Variants in NKX2-6 observed in about 807,000 individuals in gnomAD.
NKX2-6 encodes the protein NK2 homeobox 6.
A neutral mutation model predicts 8.6 loss-of-function variants in NKX2-6; 8 were observed. The ratio of observed to expected loss-of-function variants is 0.93; its 90% CI spans 0.54 to 1.67. The LOEUF is 1.67. Ranked by LOEUF, NKX2-6 falls within the 40% of genes most tolerant of loss-of-function variation. The pLI is 0.00. For missense variants in NKX2-6, 475 were observed against 423.1 expected (o/e 1.12, Z -1.08); for synonymous variants, 210 against 199.3 (o/e 1.05, Z -0.45).
rs1417812947 is a variant in NKX2-6 at position 23,706,661 on chromosome 8, G to A, written c.-63C>T. 1 of 1,459,602 alleles carries A rather than the reference G, an allele frequency of 6.9e-7. No individual in the cohort carries two copies. Among genetic ancestry groups the A allele is most frequent in the Non-Finnish European group, 9.1e-7 (1 of 1,097,192 alleles). The allele number at this position is 1,459,602 out of a possible 1,614,324, so 90.4% of individuals were successfully genotyped here. On this transcript the variant is annotated 5_prime_UTR_variant, in exon 1 of 2. The change creates a new upstream start codon in the 5' untranslated region. Coordinates refer to ENST00000325017, the MANE Select transcript of NKX2-6 (RefSeq NM_001136271.3). ...TGAGGAGCGGCACCCTGAACTTCCC[G>A]TCTTGTCGCTGCAGGCCCCGCAGAC...
At chr8:23,703,259 G>GT (rs1402000266) in intron 1 of NKX2-6, among the ~76,000 whole-genome samples, 177 bp from the exon 2 acceptor site, 1 of 152,180 alleles carries the variant, frequency 6.6e-6, no homozygotes, top group Non-Finnish European at 1.5e-5. Context: ...CTGTCTCCAT[G>GT]TTTTTTCCCT....
At position 23,702,592 on chromosome 8, in the gene NKX2-6, G is replaced by T. The variant is rs1340793904; in HGVS notation, c.765C>A (p.Gly255=). 6.5e-7 allele frequency: 1 copy of T among 1,546,226 alleles called. No individual in the cohort carries two copies. The highest frequency in any genetic ancestry group is 8.7e-7 in the Non-Finnish European group (1 of 1,146,290). The change falls in exon 2 of 2, where the codon GGC becomes GGA. Residue 255 remains glycine (G), a synonymous_variant. Coordinates refer to ENST00000325017, the MANE Select transcript of NKX2-6 (RefSeq NM_001136271.3). ...GCGCGCCCGCGTAGCAGGTGCCGTA[G>T]CCTGCGCCGTAGGGTGCTCCGCTGT... is the stretch of plus-strand genomic sequence containing the variant. ...GGYSGAPYGA[G]YGTCYAGAPS... is the part of the protein sequence containing the mutation.
In NKX2-6 at chr8:23,706,404, T is replaced by C; in HGVS notation, c.195A>G (p.Arg65=). Residue 65 remains arginine (R), a synonymous_variant, in exon 1 of 2, where the codon AGA becomes AGG. Coordinates refer to ENST00000325017, the MANE Select transcript of NKX2-6 (RefSeq NM_001136271.3). ...CAGGAGGCTCCGAACCATCCAGCTTTCTGTCACCGCCGCCGCCACCAGCGT... is the reference window on the plus strand; with the variant it reads ...CAGGAGGCTCCGAACCATCCAGCTTCCTGTCACCGCCGCCGCCACCAGCGT... ...VHNAGGGGGD[R]KLDGSEPPGG... is the part of the protein sequence containing the mutation. 6.4e-7 allele frequency: 1 copy of C among 1,551,168 alleles called. No individual in the cohort carries two copies. The highest frequency in any genetic ancestry group is 2.4e-5 in the East Asian group (1 of 40,906).
At chr8:23,705,891 C>A (rs993724203) in intron 1 of NKX2-6, among the ~76,000 whole-genome samples, 14 of 152,210 alleles carry the variant, frequency 9.2e-5, no homozygotes, top group African/African-American at 3.4e-4. Context: ...GAGGGTTCCA[C>A]TGCTTTGATG....
In NKX2-6 at chr8:23,706,644, G is replaced by A. The variant is rs1201246637; in HGVS notation, c.-46C>T. ...GGCCGAGGAGGTCCGGGTGAGGAGC[G>A]GCACCCTGAACTTCCCGTCTTGTCG... On this transcript the variant is annotated 5_prime_UTR_variant, in exon 1 of 2. Transcript: ENST00000325017. 1.3e-6 allele frequency: 2 copies of A among 1,500,746 alleles called. No homozygotes were observed. Among genetic ancestry groups the A allele is most frequent in the Non-Finnish European group, 1.8e-6 (2 of 1,126,730 alleles). 93.0% of individuals were successfully genotyped at this position (1,500,746 alleles called of 1,614,324 possible). A position where few individuals can be genotyped will look rare whatever the true frequency, so the allele number is the denominator to read the frequency against.
At chr8:23,703,317 C>T (rs1801039186) in intron 1 of NKX2-6, among the ~76,000 whole-genome samples, 1 of 152,206 alleles carries the variant, frequency 6.6e-6, no homozygotes, top group Admixed American at 6.5e-5. Context: ...TAAATTGTGA[C>T]AACCTATGGT....
rs1383273806 is a variant in NKX2-6 at position 23,702,667 on chromosome 8, G to A, written c.690C>T (p.Phe230=). The A allele has an allele frequency of 1.9e-6, 3 of 1,550,774 alleles. No individual in the cohort carries two copies. The highest frequency in any genetic ancestry group is 1.2e-5 in the South Asian group (1 of 83,984). ...ACACTGCTGCACTGTAGGGGCTGGG[G>A]AAGGCAGGTGCGCCGGGCCCGGGGC... ...CLGPGPGAPA[F]PSPYSAAVSP... The change falls in exon 2 of 2, where the codon TTC becomes TTT. Residue 230 remains phenylalanine, a synonymous_variant. Coordinates refer to ENST00000325017, the MANE Select transcript of NKX2-6 (RefSeq NM_001136271.3).
At chr8:23,705,768 C>T (rs1183398611) in intron 1 of NKX2-6, among the ~76,000 whole-genome samples, 3 of 152,204 alleles carry the variant, frequency 2.0e-5, no homozygotes, top group African/African-American at 7.2e-5. Flanking sequence ...GACTCAATCG[C>T]CACCCGGTCC....
At chr8:23,705,792 T>C (rs905470529) in intron 1 of NKX2-6, among the ~76,000 whole-genome samples, 1 of 152,128 alleles carries the variant, frequency 6.6e-6, no homozygotes, top group Non-Finnish European at 1.5e-5. Context: ...ACTTTCGTCT[T>C]CCAGAAGAAA....
chr8:23,705,093 G>C (rs979764742), intron 1 of NKX2-6, among the ~76,000 whole-genome samples: 1 of 152,238 alleles, frequency 6.6e-6, no homozygotes, highest in African/African-American at 2.4e-5. Flanking sequence ...GTGGGAGAAG[G>C]AAGGCGCCGC....
Position 23,703,418 on chromosome 8 carries a change from C to T in NKX2-6, c.275-336G>A, listed in dbSNP as rs148183789. On this transcript the variant is annotated intron_variant, in intron 1 of 1. Coordinates refer to ENST00000325017, the MANE Select transcript of NKX2-6 (RefSeq NM_001136271.3). ...CTTCTTAGAATGTGTGTGCATGGGC[C>T]GGGCGCAGTGGCTCATGCCTGTAAT... Among the ~76,000 whole-genome samples the T allele has an allele frequency of 5.2e-3, 784 of 151,964 alleles. 10 individuals carry two copies. Among genetic ancestry groups the T allele is most frequent in the African/African-American group, 0.018 (747 of 41,426 alleles).
intron 1 of NKX2-6, among the ~76,000 whole-genome samples, chr8:23,703,692 T>G (rs899408373): frequency 3.6e-5 from 5 of 140,454 alleles, no homozygotes; most frequent in Non-Finnish European, 7.6e-5. Flanking sequence ...CGAGACTCCG[T>G]CTCAAAAAAC....
Position 23,702,244 on chromosome 8 carries a change from G to T in NKX2-6, c.*207C>A, listed in dbSNP as rs1192201013. 6.6e-6 allele frequency among the ~76,000 whole-genome samples: 1 copy of T among 152,174 alleles called. No individual in the cohort carries two copies. Among genetic ancestry groups the T allele is most frequent in the Non-Finnish European group, 1.5e-5 (1 of 68,038 alleles). On this transcript the variant is annotated 3_prime_UTR_variant, in exon 2 of 2. Transcript: ENST00000325017. ...TGCTTGGTGGGTGACCGGTGGAGGG[G>T]TCTTCTTTTGGGGGAAGAACGTCCC...
chr8:23,702,578 T>C lies in NKX2-6; in HGVS notation c.779A>G (p.Tyr260Cys). The C allele has an allele frequency of 6.5e-7, 1 of 1,544,736 alleles. No homozygotes were observed. Among genetic ancestry groups the C allele is most frequent in the Non-Finnish European group, 8.7e-7 (1 of 1,146,256 alleles). ...CGCAGGACCCGAGGGCGCGCCCGCG[T>C]AGCAGGTGCCGTAGCCTGCGCCGTA... is the stretch of plus-strand genomic sequence containing the variant. ...APYGAGYGTCYAGAPSGPAPH... is the reference protein window; with the variant it reads ...APYGAGYGTCCAGAPSGPAPH... The change falls in exon 2 of 2, where the codon TAC becomes TGC. Residue 260 changes from tyrosine (Y) to cysteine (C), a missense_variant. Transcript: ENST00000325017.
At chr8:23,703,791 A>G (rs1423101988) in intron 1 of NKX2-6, among the ~76,000 whole-genome samples, 3 of 152,162 alleles carry the variant, frequency 2.0e-5, no homozygotes, top group Non-Finnish European at 2.9e-5. Flanking sequence ...GGAGGTGTCT[A>G]TCAGATTGAG....
chr8:23,702,612 C>T lies in NKX2-6; in HGVS notation c.745G>A (p.Gly249Arg), dbSNP rs752427485. ...SPYSCYGGYS[G>R]APYGAGYGTC... Reference sequence around the variant, plus strand: ...CCGTAGCCTGCGCCGTAGGGTGCTCCGCTGTAGCCTCCGTAGCAAGAGTAG... The same window carrying T: ...CCGTAGCCTGCGCCGTAGGGTGCTCTGCTGTAGCCTCCGTAGCAAGAGTAG... The change falls in exon 2 of 2, where the codon GGA (glycine) becomes AGA (arginine). Residue 249 changes from glycine to arginine, a missense_variant. Coordinates refer to ENST00000325017, the MANE Select transcript of NKX2-6 (RefSeq NM_001136271.3). 142 of 1,547,926 alleles carry T rather than the reference C, an allele frequency of 9.2e-5. 4 individuals carry two copies. In the South Asian group the frequency reaches 1.6e-3, roughly 18 times the overall value.
chr8:23,703,444 C>T (rs1378908894), intron 1 of NKX2-6, among the ~76,000 whole-genome samples: 2 of 152,032 alleles, frequency 1.3e-5, no homozygotes, highest in Admixed American at 1.3e-4. Flanking sequence ...TGCCTGTAAT[C>T]CCAGCACTTT....
intron 1 of NKX2-6, 114 bp downstream of exon 1, chr8:23,706,211 T>C (rs1189367205): frequency 8.9e-7 from 1 of 1,128,442 alleles, no homozygotes; most frequent in African/African-American, 1.6e-5. Flanking sequence ...CGAGAGAAAA[T>C]GGAGAGAGTC....
rs1311868164 is a variant in NKX2-6, at chr8:23,706,628, G to A, written c.-30C>T. 4 of 1,520,620 alleles carry A rather than the reference G, an allele frequency of 2.6e-6. No homozygotes were observed. The African/African-American group carries it at 4.1e-5, about 16-fold the overall frequency. 94.2% of individuals were successfully genotyped at this position (1,520,620 alleles called of 1,614,324 possible). ...AAGGCGGATGGGGCGGGGCCGAGGAGGTCCGGGTGAGGAGCGGCACCCTGA... is the reference window on the plus strand; with the variant it reads ...AAGGCGGATGGGGCGGGGCCGAGGAAGTCCGGGTGAGGAGCGGCACCCTGA... On this transcript the variant is annotated 5_prime_UTR_variant, in exon 1 of 2. Coordinates refer to ENST00000325017, the MANE Select transcript of NKX2-6 (RefSeq NM_001136271.3).
Sources: gnomAD v4.1 joint callset for allele counts (sites outside exome capture counted in the v4.1 genomes callset) on GRCh38, gnomAD v4.1.1 for gene constraint, MANE v1.5 for transcripts, NCBI Gene and HGNC (gene_info 2026-07-23, HGNC 2026-07-21) for gene names.